Variants in TNPO3 observed in about 807,000 individuals in gnomAD.
TNPO3 encodes transportin 3.
Under a neutral mutation model 122.8 loss-of-function variants are expected in TNPO3, and 65 were observed. The observed-to-expected ratio is 0.53, with a 90% CI of 0.43 to 0.65. The LOEUF is 0.65. TNPO3 is among the 30% of genes least tolerant of loss of function. TNPO3 has a pLI of 0.00. For missense variants in TNPO3, 850 were observed against 1,136.7 expected, an observed-to-expected ratio of 0.75 and a Z score of 3.63; for synonymous variants, 372 against 411.2, an observed-to-expected ratio of 0.90 and a Z score of 1.15.
At chr7:129,000,595 TG>T in intron 6 of TNPO3, 28 bp from the exon 7 acceptor site, 7 of 1,602,550 alleles carry the variant, frequency 4.4e-6, no homozygotes, top group Non-Finnish European at 6.0e-6. Flanking sequence ...ATGAGAACAA[TG>T]AGTCAGAAAT....
intron 1 of TNPO3, among the ~76,000 whole-genome samples, chr7:129,025,390 A>C (rs1313117646): frequency 2.5e-5 from 3 of 120,980 alleles, no homozygotes; most frequent in Admixed American, 9.7e-5. Flanking sequence ...AAAAAAAAAA[A>C]AAAAAAACCA....
intron 16 of TNPO3, among the ~76,000 whole-genome samples, chr7:128,976,891 C>G (rs995112512): frequency 5.3e-5 from 8 of 152,144 alleles, no homozygotes; most frequent in African/African-American, 1.9e-4. Flanking sequence ...AAATTATATG[C>G]TCTACTAAGG....
rs1252158912 is a variant in TNPO3, at chr7:128,967,372, T to G, written c.2619A>C (p.Glu873Asp). The change falls in exon 21 of 23, where the codon GAA (glutamate) becomes GAC (aspartate). Residue 873 changes from glutamate (E) to aspartate (D), a missense_variant. Transcript: ENST00000265388. Reference sequence around the variant, plus strand: ...CCTTTGGCAAACCTTTTAAGGAATTTTCTAACCATCGACAAAAAGTCTGTA... The same window carrying G: ...CCTTTGGCAAACCTTTTAAGGAATTGTCTAACCATCGACAAAAAGTCTGTA... ...VDRPTFCRWL[E>D]NSLKGLPKET... The G allele has an allele frequency of 6.2e-7, 1 of 1,613,688 alleles. No homozygotes were observed. Among genetic ancestry groups the G allele is most frequent in the East Asian group, 2.2e-5 (1 of 44,874 alleles).
intron 21 of TNPO3, 142 bp downstream of exon 21, chr7:128,967,138 A>C: frequency 1.6e-6 from 1 of 612,416 alleles, no homozygotes; most frequent in South Asian, 1.9e-5. Flanking sequence ...ATGTTTTCCC[A>C]CCAGATTGGC....
At position 129,017,972 on chromosome 7, in the gene TNPO3, A is replaced by G; in HGVS notation, c.306T>C (p.Pro102=). The G allele has an allele frequency of 1.9e-6, 3 of 1,614,152 alleles. No homozygotes were observed. Among genetic ancestry groups the G allele is most frequent in the Non-Finnish European group, 2.5e-6 (3 of 1,179,996 alleles). ...THIQNLKDLS[P]VIVTQLALAI... ...CAGGATTTACCTGCGTTACAATAAC[A>G]GGTGACAAGTCTTTCAAGTTCTGGA... The change falls in exon 2 of 23, where the codon CCT becomes CCC. Residue 102 remains proline, a synonymous_variant. Coordinates refer to ENST00000265388, the MANE Select transcript of TNPO3 (RefSeq NM_012470.4).
In TNPO3 at chr7:128,972,617, A is replaced by C. The variant is rs755842990; in HGVS notation, c.2274-35T>G. The C allele has an allele frequency of 3.1e-6, 5 of 1,594,708 alleles. No homozygotes were observed. In the East Asian group the frequency reaches 1.1e-4, roughly 36 times the overall value. On this transcript the variant is annotated intron_variant, in intron 18 of 22. Transcript: ENST00000265388. Reference sequence around the variant, plus strand: ...AAAGTGAGACTAGGTATAAATGACAAGATTAGGCTATAAAAGCAGCCAGGG... The same window carrying C: ...AAAGTGAGACTAGGTATAAATGACACGATTAGGCTATAAAAGCAGCCAGGG...
At chr7:129,021,690 C>T (rs1354487249) in intron 1 of TNPO3, among the ~76,000 whole-genome samples, 1 of 151,774 alleles carries the variant, frequency 6.6e-6, no homozygotes, top group Non-Finnish European at 1.5e-5. Flanking sequence ...TAATACCTTA[C>T]GAGGAAAGAA....
At chr7:128,970,833 A>G (rs1045857987) in intron 19 of TNPO3, 1 of 152,570 alleles carries the variant, frequency 6.6e-6, no homozygotes, top group Non-Finnish European at 1.5e-5. Flanking sequence ...TGCTATACCA[A>G]TTGGGTGCCT....
At chr7:128,982,595 AT>A (rs1238315972) in intron 13 of TNPO3, among the ~76,000 whole-genome samples, 5 of 152,122 alleles carry the variant, frequency 3.3e-5, no homozygotes, top group South Asian at 2.1e-4. Context: ...GTATCATTTG[AT>A]TTTTTTCCCA....
intron 18 of TNPO3, among the ~76,000 whole-genome samples, chr7:128,974,192 A>G (rs1264127815): frequency 6.6e-6 from 1 of 152,028 alleles, no homozygotes; most frequent in East Asian, 1.9e-4. Context: ...AAAAAGAAAA[A>G]AAATCAATCC....
intron 1 of TNPO3, among the ~76,000 whole-genome samples, chr7:129,024,998 AAAAAT>A (rs1257380090): frequency 2.0e-5 from 3 of 151,770 alleles, no homozygotes; most frequent in Non-Finnish European, 4.4e-5. Flanking sequence ...AGACAGTCTT[AAAAAT>A]AAAATAAAAC....
Position 128,979,023 on chromosome 7 carries a change from C to G in TNPO3, c.2021G>C (p.Gly674Ala). The G allele has an allele frequency of 6.2e-7, 1 of 1,614,174 alleles. No individual in the cohort carries two copies. The highest frequency in any genetic ancestry group is 8.5e-7 in the Non-Finnish European group (1 of 1,180,006). The change falls in exon 16 of 23, where the codon GGC (glycine) becomes GCC (alanine). Residue 674 changes from glycine (G) to alanine (A), a missense_variant. Gly to Ala is a moderately conservative substitution (Grantham distance 60, BLOSUM62 0). Transcript: ENST00000265388. ...RCLRFAVRCVGKGSAALLQPL... is the reference protein window; with the variant it reads ...RCLRFAVRCVAKGSAALLQPL... ...CTGCAGCAGTGCTGCAGATCCTTTG[C>G]CTACACAGCGAACAGCAAAGCGCAG... is the stretch of plus-strand genomic sequence containing the variant.
rs376895145 is a variant in TNPO3, at chr7:129,000,586, T to C, written c.873-19A>G. On this transcript the variant is annotated intron_variant, in intron 6 of 22. Transcript: ENST00000265388. ...CAGAACTCTGTAGAAGACAGGGGAATGAGAACAATGAGTCAGAAATCTGGA... is the reference window on the plus strand; with the variant it reads ...CAGAACTCTGTAGAAGACAGGGGAACGAGAACAATGAGTCAGAAATCTGGA... The C allele has an allele frequency of 6.2e-7, 1 of 1,604,950 alleles. No individual in the cohort carries two copies. The highest frequency in any genetic ancestry group is 1.1e-5 in the South Asian group (1 of 90,534).
chr7:129,046,338 A>T (rs1329220010), intron 1 of TNPO3, among the ~76,000 whole-genome samples: 1 of 152,064 alleles, frequency 6.6e-6, no homozygotes, highest in Non-Finnish European at 1.5e-5. Flanking sequence ...TTTGGTTTTC[A>T]TTATTTACAT....
At chr7:129,031,979 G>A (rs987088258) in intron 1 of TNPO3, among the ~76,000 whole-genome samples, 1 of 152,012 alleles carries the variant, frequency 6.6e-6, no homozygotes, top group African/African-American at 2.4e-5. Context: ...GAGCCATCAC[G>A]CCTGGCTTTT....
At chr7:128,955,815 A>G (rs1796843836) in intron 22 of TNPO3, among the ~76,000 whole-genome samples, 1 of 152,262 alleles carries the variant, frequency 6.6e-6, no homozygotes, top group Non-Finnish European at 1.5e-5. Flanking sequence ...TTTAGATGCT[A>G]TCGAAAGGAT....
intron 1 of TNPO3, among the ~76,000 whole-genome samples, chr7:129,019,000 T>C (rs1804152212): frequency 6.6e-6 from 1 of 152,248 alleles, no homozygotes; most frequent in Non-Finnish European, 1.5e-5. Flanking sequence ...ATTACAGGCA[T>C]GAGCCACCGT....
At chr7:129,025,351 A>C (rs1192320059) in intron 1 of TNPO3, among the ~76,000 whole-genome samples, 12 of 9,336 alleles carry the variant, frequency 1.3e-3, no homozygotes, top group Non-Finnish European at 3.7e-3. Context: ...ACTCTGTCAC[A>C]AAAAAAAAAA....
At chr7:128,967,739 AACACAC>A (rs35430377) in intron 20 of TNPO3, among the ~76,000 whole-genome samples, 10 of 148,410 alleles carry the variant, frequency 6.7e-5, no homozygotes, top group East Asian at 5.9e-4. Context: ...TGCGAACATG[AACACAC>A]ACACACACAC....
Sources: allele counts gnomAD v4.1 joint callset (sites outside exome capture counted in the v4.1 genomes callset), GRCh38; gene constraint gnomAD v4.1.1; transcripts MANE v1.5; gene names NCBI Gene and HGNC (gene_info 2026-07-23, HGNC 2026-07-21).